Variants in CELF2 observed in about 807,000 individuals in gnomAD.
The protein encoded by CELF2 is CUG triplet repeat RNA-binding protein 2.
A neutral mutation model predicts 62.6 loss-of-function variants in CELF2; 8 were observed. That is an observed-to-expected ratio of 0.13 (90% confidence interval 0.07 to 0.23). The LOEUF (loss-of-function observed/expected upper bound fraction) is 0.23, where lower values mean the gene tolerates loss of function less well. Among genes scored for constraint, CELF2 ranks in the 10% least tolerant of loss-of-function variants. The pLI is 1.00. For missense variants in CELF2, 333 were observed against 671.0 expected (o/e 0.50, Z 5.56); for synonymous variants, 258 against 250.0 (o/e 1.03, Z -0.30).
chr10:11,123,473 C>G (rs967510908), intron 1 of CELF2, among the ~76,000 whole-genome samples: 1 of 152,124 alleles, frequency 6.6e-6, no homozygotes, highest in Non-Finnish European at 1.5e-5. Flanking sequence ...TGGTCTCAAA[C>G]TCCTGGGCTC....
rs117150344 is a variant in CELF2, at chr10:11,093,434, G to T, written c.75-72052G>T. Among the ~76,000 whole-genome samples, 202 of 152,284 alleles carry T rather than the reference G, an allele frequency of 1.3e-3. 1 individual carries two copies. The highest frequency in any genetic ancestry group is 2.3e-3 in the Non-Finnish European group (158 of 68,026). The stretch of plus-strand genomic sequence containing the variant: ...TTAATTTATTTATGTAAGTCAATCT[G>T]TGGCATGCAAACTAGGGATGTGGAG... On this transcript the variant is annotated intron_variant, in intron 1 of 12. Transcript: ENST00000633077.
intron 1 of CELF2, among the ~76,000 whole-genome samples, chr10:11,049,558 TAAAA>T (rs368708381): frequency 0.033 from 3,176 of 96,908 alleles, 41 homozygotes; most frequent in African/African-American, 0.045. Flanking sequence ...CTTTCTTTAG[TAAAA>T]AAAAAAAAAA....
chr10:10,575,881 A>G, the CELF2 span, among the ~76,000 whole-genome samples: 3 of 152,206 alleles, frequency 2.0e-5, no homozygotes, highest in African/African-American at 7.2e-5. Flanking sequence ...TTTCAAGATC[A>G]CAGTAGAGGA....
At chr10:11,138,629 G>A (rs921715069) in intron 1 of CELF2, among the ~76,000 whole-genome samples, 3 of 152,174 alleles carry the variant, frequency 2.0e-5, no homozygotes, top group South Asian at 4.1e-4. Flanking sequence ...ACTGCCAAAC[G>A]TTTACTTTTA....
intron 1 of CELF2, among the ~76,000 whole-genome samples, chr10:11,130,234 G>A (rs984328172): frequency 3.3e-5 from 5 of 152,238 alleles, no homozygotes; most frequent in African/African-American, 1.2e-4. Context: ...TGTGGTCTGA[G>A]AAACAGTTTG....
chr10:10,652,745 T>C, the CELF2 span, among the ~76,000 whole-genome samples: 13 of 151,534 alleles, frequency 8.6e-5, no homozygotes, highest in African/African-American at 3.2e-4. Flanking sequence ...AAAGGAACAA[T>C]CGGTACCAGC....
chr10:10,840,728 G>A (rs961978733), intron 1 of CELF2, among the ~76,000 whole-genome samples: 2 of 151,998 alleles, frequency 1.3e-5, no homozygotes, highest in African/African-American at 4.8e-5. Flanking sequence ...GAACATGCAG[G>A]TTTGTTACAT....
chr10:10,703,820 T>C, the CELF2 span, among the ~76,000 whole-genome samples: 1 of 152,192 alleles, frequency 6.6e-6, no homozygotes, highest in East Asian at 1.9e-4. Context: ...GAGGGAGAAT[T>C]GCATGTAACT....
chr10:10,549,073 G>A, the CELF2 span, among the ~76,000 whole-genome samples: 1 of 152,186 alleles, frequency 6.6e-6, no homozygotes, highest in Non-Finnish European at 1.5e-5. Flanking sequence ...ATCTTAGGCA[G>A]ATTACCTCAC....
chr10:10,875,597 C>T (rs2061034494), intron 1 of CELF2, among the ~76,000 whole-genome samples: 1 of 152,196 alleles, frequency 6.6e-6, no homozygotes, highest in Non-Finnish European at 1.5e-5. Flanking sequence ...CCTCTTCCCT[C>T]TTTCTTACTA....
At chr10:11,176,468 C>A (rs1038268184) in intron 2 of CELF2, among the ~76,000 whole-genome samples, 7 of 152,196 alleles carry the variant, frequency 4.6e-5, no homozygotes, top group Non-Finnish European at 1.0e-4. Flanking sequence ...ATAGTGTTAA[C>A]CATCACAGGA....
Position 11,285,643 on chromosome 10 carries a change from G to T in CELF2, c.842-2775G>T, listed in dbSNP as rs1024917838. On this transcript the variant is annotated intron_variant, in intron 8 of 12. Transcript: ENST00000633077. The surrounding 1 kb of genome is among the most constrained non-coding windows in gnomAD (Gnocchi z 4.3). ...CAGTGGATTAGTTAATGATTGAGAG[G>T]AAACAGCCAATATTTGATGCTGTTG... is the stretch of plus-strand genomic sequence containing the variant. Among the ~76,000 whole-genome samples the T allele has an allele frequency of 6.6e-6, 1 of 152,098 alleles. No homozygotes were observed. Among genetic ancestry groups the T allele is most frequent in the Non-Finnish European group, 1.5e-5 (1 of 67,998 alleles).
At chr10:11,066,971 T>C in intron 1 of CELF2, among the ~76,000 whole-genome samples, 1 of 152,212 alleles carries the variant, frequency 6.6e-6, no homozygotes, top group Non-Finnish European at 1.5e-5. Flanking sequence ...GTTACTGTCA[T>C]GTGGCATGAT....
the CELF2 span, among the ~76,000 whole-genome samples, chr10:10,513,215 T>C: frequency 5.3e-5 from 8 of 152,202 alleles, no homozygotes; most frequent in African/African-American, 1.9e-4. Context: ...GTTTTTTTTA[T>C]TGTTATGAAC....
chr10:10,981,482 A>T (rs1389697284), intron 2 of CELF2, among the ~76,000 whole-genome samples: 3 of 152,216 alleles, frequency 2.0e-5, no homozygotes, highest in African/African-American at 7.2e-5. Flanking sequence ...AGTACTTCCT[A>T]GATTGTCTAT....
intron 1 of CELF2, among the ~76,000 whole-genome samples, chr10:10,886,045 T>C (rs1564769264): frequency 6.6e-6 from 1 of 152,210 alleles, no homozygotes; most frequent in East Asian, 1.9e-4. Flanking sequence ...TTCCCACGTG[T>C]TCTAATAATC....
chr10:11,116,616 C>G (rs1261267098), intron 1 of CELF2, among the ~76,000 whole-genome samples: 1 of 152,172 alleles, frequency 6.6e-6, no homozygotes, highest in Non-Finnish European at 1.5e-5. Flanking sequence ...AGAAGAGTGC[C>G]TGGTGAGTTC....
chr10:11,094,984 T>G (rs1270142347), intron 1 of CELF2, among the ~76,000 whole-genome samples: 1 of 152,190 alleles, frequency 6.6e-6, no homozygotes, highest in East Asian at 1.9e-4. Context: ...ATAATTACAT[T>G]TTTATATTTT....
At chr10:10,512,480 C>G in the CELF2 span, among the ~76,000 whole-genome samples, 1 of 142,564 alleles carries the variant, frequency 7.0e-6, no homozygotes, top group African/African-American at 2.6e-5. Flanking sequence ...GATCTCTGCT[C>G]ACTGCAACCT....
Sources: gnomAD v4.1 joint callset for allele counts (sites outside exome capture counted in the v4.1 genomes callset) on GRCh38, gnomAD v4.1.1 for gene constraint, Gnocchi (gnomAD v3.1) non-coding constraint, MANE v1.5 for transcripts, NCBI Gene and HGNC (gene_info 2026-07-23, HGNC 2026-07-21) for gene names.